The following REXO5 variants were observed in gnomAD, a reference collection of about 807,000 sequenced individuals.
The protein encoded by REXO5 is exonuclease NEF-sp.
Under a neutral mutation model 88.5 loss-of-function variants are expected in REXO5, and 48 were observed. The ratio of observed to expected loss-of-function variants is 0.54; its 90% CI spans 0.43 to 0.69. The LOEUF (loss-of-function observed/expected upper bound fraction) is 0.69. REXO5 is among the 30% of genes least tolerant of loss of function. The pLI, the probability that REXO5 is intolerant of heterozygous loss-of-function variation, is 0.00. For missense variants in REXO5, 749 were observed against 912.2 expected, an observed-to-expected ratio of 0.82 and a Z score of 2.30; for synonymous variants, 311 against 336.5, an observed-to-expected ratio of 0.92 and a Z score of 0.83.
chr16:20,835,455 C>T (rs1323364128), intron 13 of REXO5, among the ~76,000 whole-genome samples: 2 of 152,140 alleles, frequency 1.3e-5, no homozygotes, highest in South Asian at 2.1e-4. Context: ...TTAGCCCTTG[C>T]GATTGTTTCC....
At chr16:20,806,467 G>T (rs2080876302), upstream of REXO5, 2 of 1,550,602 alleles carry the variant, frequency 1.3e-6, no homozygotes, top group Middle Eastern at 1.7e-4. Flanking sequence ...CCAGCTGCCG[G>T]AAGTCGCTCG....
Position 20,846,427 on chromosome 16 carries a change from C to T in REXO5, c.2243+88C>T, listed in dbSNP as rs895186436. 3.3e-6 allele frequency: 3 copies of T among 917,720 alleles called. No homozygotes were observed. The African/African-American group carries it at 4.9e-5, about 15-fold the overall frequency. 56.8% of individuals were successfully genotyped at this position (917,720 alleles called of 1,614,324 possible). On this transcript the variant is annotated intron_variant, in intron 19 of 19. Transcript: ENST00000261377. ...AAAAAGCCTTTTGCTGATATTTAGG[C>T]ACATAGTGAGGACTTACATGAATCA...
At chr16:20,828,892 C>T (rs1290402801) in intron 11 of REXO5, among the ~76,000 whole-genome samples, 1 of 149,512 alleles carries the variant, frequency 6.7e-6, no homozygotes, top group Non-Finnish European at 1.5e-5. Context: ...TGCAGTGAGC[C>T]GAGATTGCAC....
At position 20,806,973 on chromosome 16, in the gene REXO5, G is replaced by A. The variant is rs1380896167; in HGVS notation, c.20G>A (p.Gly7Glu). Residue 7 changes from glycine to glutamate, a missense_variant, in exon 2 of 20, where the codon GGG becomes GAG. By Grantham distance (98) the Gly-to-Glu change is moderately conservative. Coordinates refer to ENST00000261377, the MANE Select transcript of REXO5 (RefSeq NM_030941.3). ...ACAGCCATGGAGCCAGAGAGGGAAG[G>A]GACCGAGAGACACCCCAGGAAGGTC... is the stretch of plus-strand genomic sequence containing the variant. MEPERE[G>E]TERHPRKVRE... 21 of 1,596,084 alleles carry A rather than the reference G, an allele frequency of 1.3e-5. No homozygotes were observed. In the East Asian group the frequency reaches 4.7e-4, roughly 36 times the overall value.
At chr16:20,844,938 G>A (rs1219859065) in intron 17 of REXO5, 93 bp downstream of exon 17, 7 of 1,525,088 alleles carry the variant, frequency 4.6e-6, no homozygotes, top group Non-Finnish European at 4.5e-6. Flanking sequence ...CTCCTGGGCT[G>A]GACCAGGGCA....
At chr16:20,806,922 TC>T (rs953138823) in intron 1 of REXO5, 29 bp from the exon 2 acceptor site, 5 of 1,557,988 alleles carry the variant, frequency 3.2e-6, no homozygotes, top group Non-Finnish European at 4.3e-6. Context: ...CGCTGGAGTT[TC>T]CCCAGCTCTA....
At chr16:20,829,917 A>G (rs1055404789) in intron 11 of REXO5, among the ~76,000 whole-genome samples, 3 of 152,200 alleles carry the variant, frequency 2.0e-5, no homozygotes, top group Admixed American at 6.5e-5. Context: ...TGCAGATCAT[A>G]TTGTCTTTAT....
rs1418477253 is a variant in REXO5, at chr16:20,843,947, T to C, written c.1640T>C (p.Ile547Thr). Residue 547 changes from isoleucine to threonine, a missense_variant, in exon 16 of 20, where the codon ATA (isoleucine) becomes ACA (threonine). Ile to Thr is a moderately conservative substitution (Grantham distance 89). Coordinates refer to ENST00000261377, the MANE Select transcript of REXO5 (RefSeq NM_030941.3). ...GTCTTTCTGCAGCCTCATCTCTGTA[T>C]ACAGTATGAAGTCCTAGAAGCTGCC... is the stretch of plus-strand genomic sequence containing the variant. ...VLETRQPHLCIQYEVLEAAQL... is the reference protein window; with the variant it reads ...VLETRQPHLCTQYEVLEAAQL... 6.2e-7 allele frequency: 1 copy of C among 1,605,268 alleles called. No individual in the cohort carries two copies. Among genetic ancestry groups the C allele is most frequent in the Non-Finnish European group, 8.5e-7 (1 of 1,172,036 alleles).
Position 20,840,435 on chromosome 16 carries a change from C to A in REXO5, c.1593C>A (p.Val531=). 1 of 1,565,854 alleles carries A rather than the reference C, an allele frequency of 6.4e-7. No individual in the cohort carries two copies. The highest frequency in any genetic ancestry group is 1.3e-5 in the African/African-American group (1 of 74,376). Residue 531 remains valine (V), a synonymous_variant, in exon 15 of 20, where the codon GTC becomes GTA. Transcript: ENST00000261377. ...LKRLFKSFGP[V]QSMTFVLETR... is the part of the protein sequence containing the mutation. ...GGCTGTTTAAAAGCTTTGGCCCAGT[C>A]CAGTCAATGACTTTTGTTCTTGAAA...
chr16:20,817,949 C>T (rs1487933829), intron 5 of REXO5, among the ~76,000 whole-genome samples: 1 of 152,176 alleles, frequency 6.6e-6, no homozygotes, highest in Non-Finnish European at 1.5e-5. Context: ...GCGTTTTTCT[C>T]ATCCTCAAAT....
intron 6 of REXO5, among the ~76,000 whole-genome samples, chr16:20,822,330 A>C (rs1243770478): frequency 6.6e-6 from 1 of 152,198 alleles, no homozygotes; most frequent in Non-Finnish European, 1.5e-5. Context: ...AGCCTTGGTC[A>C]ATTATATAGC....
At position 20,839,777 on chromosome 16, in the gene REXO5, A is replaced by G. The variant is rs1434865306; in HGVS notation, c.1406A>G (p.Glu469Gly). The G allele has an allele frequency of 6.2e-7, 1 of 1,613,888 alleles. No homozygotes were observed. Among genetic ancestry groups the G allele is most frequent in the South Asian group, 1.1e-5 (1 of 91,050 alleles). Residue 469 changes from glutamate to glycine, a missense_variant, in exon 14 of 20, where the codon GAA becomes GGA. Coordinates refer to ENST00000261377, the MANE Select transcript of REXO5 (RefSeq NM_030941.3). ...NKEVLEQARV[E>G]IPLFPFSIVQ... ...CAGGTTCTTGAGCAGGCCAGAGTGG[A>G]AATCCCCCTGTTTCCCTTCAGCATT...
Position 20,849,007 on chromosome 16 carries a change from C to T in REXO5, c.2244-392C>T, listed in dbSNP as rs144351074. Among the ~76,000 whole-genome samples, 18 of 152,296 alleles carry T rather than the reference C, an allele frequency of 1.2e-4. 1 individual carries two copies. The East Asian group carries it at 3.5e-3, about 29-fold the overall frequency. On this transcript the variant is annotated intron_variant, in intron 19 of 19. Transcript: ENST00000261377. ...TTTTTTATTTTTTAAATGAGGATAA[C>T]ACTTGTACCTACATCAGTGAGCAGT...
At position 20,832,991 on chromosome 16, in the gene REXO5, ACTT is replaced by A. The variant is rs2081370108; in HGVS notation, c.1263-8_1263-6del. 3.1e-6 allele frequency: 5 copies of A among 1,607,826 alleles called. No individual in the cohort carries two copies. Among genetic ancestry groups the A allele is most frequent in the Non-Finnish European group, 4.2e-6 (5 of 1,176,682 alleles). ...CTGTTGTTCTTACCTTAACTCTTCT[ACTT>A]CTTTATAGTGTTTTAGAATGCTTGG... On this transcript the variant is annotated splice_polypyrimidine_tract_variant and intron_variant, in intron 12 of 19. Coordinates refer to ENST00000261377, the MANE Select transcript of REXO5 (RefSeq NM_030941.3).
chr16:20,806,573 C>T lies in REXO5; in HGVS notation c.-135C>T. On this transcript the variant is annotated 5_prime_UTR_variant, in exon 1 of 20. Coordinates refer to ENST00000261377, the MANE Select transcript of REXO5 (RefSeq NM_030941.3). ...GGAGGGGAGAACCTCTGCTCCCCGC[C>T]CGTCTTCTCTTCTGCGTTTCCCGGG... The T allele has an allele frequency of 1.4e-6, 2 of 1,470,556 alleles. No individual in the cohort carries two copies. The highest frequency in any genetic ancestry group is 1.4e-5 in the African/African-American group (1 of 70,918). The allele number at this position is 1,470,556 out of a possible 1,614,324, so 91.1% of individuals were successfully genotyped here. A position where few individuals can be genotyped will look rare whatever the true frequency, so the allele number is the denominator to read the frequency against.
Position 20,823,298 on chromosome 16 carries a change from A to C in REXO5, c.617-1141A>C, listed in dbSNP as rs1487487390. ...TAAATTTTATTTTTTTAATTTTTTA[A>C]GTTGATGTAGGCGTGTTTTATAGGT... On this transcript the variant is annotated intron_variant, in intron 6 of 19. Transcript: ENST00000261377. The C allele has an allele frequency of 2.0e-5, 3 of 152,198 alleles. No individual in the cohort carries two copies. The East Asian group carries it at 5.8e-4, about 29-fold the overall frequency. The allele number at this position is 152,198 out of a possible 1,614,324, so 9.4% of individuals were successfully genotyped here.
chr16:20,849,467 G>A lies in REXO5; in HGVS notation c.2312G>A (p.Gly771Asp). ...IKEEEESAGP[G>D]LCS is the part of the protein sequence containing the mutation. ...GAGGAAGAAGAAAGCGCTGGCCCAG[G>A]CCTGTGTTCGTGAGTCGGCCTGCCA... Residue 771 changes from glycine to aspartate, a missense_variant, in exon 20 of 20, where the codon GGC becomes GAC. Coordinates refer to ENST00000261377, the MANE Select transcript of REXO5 (RefSeq NM_030941.3). The A allele has an allele frequency of 6.2e-7, 1 of 1,614,046 alleles. No homozygotes were observed. Among genetic ancestry groups the A allele is most frequent in the Non-Finnish European group, 8.5e-7 (1 of 1,179,918 alleles).
intron 8 of REXO5, among the ~76,000 whole-genome samples, chr16:20,826,423 A>G (rs1256543822): frequency 6.6e-6 from 1 of 152,244 alleles, no homozygotes; most frequent in African/African-American, 2.4e-5. Context: ...CAGAATGTAC[A>G]CACAGTGACT....
chr16:20,832,931 CA>C, intron 12 of REXO5, 71 bp from the exon 13 acceptor site: 1 of 1,418,714 alleles, frequency 7.0e-7, no homozygotes, highest in East Asian at 2.3e-5. Context: ...TTGTATAATG[CA>C]AGTATAGAGA....
Sources: gnomAD v4.1 joint callset for allele counts (sites outside exome capture counted in the v4.1 genomes callset) on GRCh38, gnomAD v4.1.1 for gene constraint, MANE v1.5 for transcripts, NCBI Gene and HGNC (gene_info 2026-07-23, HGNC 2026-07-21) for gene names.